GRID2: variants seen among roughly 807,000 people sequenced by gnomAD.
GRID2 encodes the protein glutamate receptor ionotropic, delta-2.
In GRID2, 33 loss-of-function variants were observed where a neutral mutation model predicts 114.8. That is an observed-to-expected ratio of 0.29 (90% CI 0.22 to 0.38). The LOEUF (loss-of-function observed/expected upper bound fraction) is 0.38. GRID2 is among the 10% of genes least tolerant of loss of function. GRID2 has a pLI of 1.00. For synonymous variants in GRID2, 505 were observed against 449.9 expected, an observed-to-expected ratio of 1.12 and a Z score of -1.55; for missense variants, 1,184 against 1,257.7, an observed-to-expected ratio of 0.94 and a Z score of 0.89.
intron 1 of GRID2, among the ~76,000 whole-genome samples, chr4:92,483,314 G>A (rs542839573): frequency 6.6e-6 from 1 of 152,058 alleles, no homozygotes; most frequent in South Asian, 2.1e-4. Flanking sequence ...CTCCAGCCTG[G>A]GTGACAGAGT....
chr4:92,467,437 G>A (rs1433785131), intron 1 of GRID2, among the ~76,000 whole-genome samples: 1 of 151,862 alleles, frequency 6.6e-6, no homozygotes, highest in African/African-American at 2.4e-5. Flanking sequence ...ATCTAAACTA[G>A]ACTGATGTAC....
At chr4:92,770,833 T>A (rs143536839) in intron 2 of GRID2, among the ~76,000 whole-genome samples, 368 of 152,254 alleles carry the variant, frequency 2.4e-3, no homozygotes, top group African/African-American at 8.4e-3. Context: ...AAGATAAGAT[T>A]TGAGTGGGGA....
rs149238420 is a variant in GRID2 at position 92,374,075 on chromosome 4, C to T, written c.88+69331C>T. 1.1e-3 allele frequency among the ~76,000 whole-genome samples: 168 copies of T among 152,230 alleles called. 1 individual carries two copies. In the East Asian group the frequency reaches 0.031, roughly 28 times the overall value. On this transcript the variant is annotated intron_variant, in intron 1 of 15. Transcript: ENST00000282020. ...CAACCGTCTAAATGGACCTCCTCCT[C>T]AGCAAGGGCTCTTTTACAATTTAAT...
At chr4:92,436,017 G>A (rs1732719456) in intron 1 of GRID2, among the ~76,000 whole-genome samples, 1 of 152,076 alleles carries the variant, frequency 6.6e-6, no homozygotes. Flanking sequence ...ATAATAGCAG[G>A]CATATGAGAC....
At chr4:92,972,803 T>A (rs1578643751) in intron 2 of GRID2, among the ~76,000 whole-genome samples, 3 of 152,054 alleles carry the variant, frequency 2.0e-5, no homozygotes, top group African/African-American at 7.2e-5. Flanking sequence ...TTTTCCTCTA[T>A]GTGTTTATGT....
intron 8 of GRID2, among the ~76,000 whole-genome samples, chr4:93,271,043 G>T (rs1751407494): frequency 1.3e-5 from 2 of 152,180 alleles, no homozygotes; most frequent in Admixed American, 1.3e-4. Context: ...TTAAAGGAAA[G>T]ATTGAGGCTA....
intron 8 of GRID2, among the ~76,000 whole-genome samples, chr4:93,251,328 A>G (rs1286894041): frequency 6.6e-6 from 1 of 152,180 alleles, no homozygotes; most frequent in Non-Finnish European, 1.5e-5. Context: ...TCTCTCTAAT[A>G]TAACCTCACA....
chr4:92,525,725 G>C (rs1326111230), intron 1 of GRID2, among the ~76,000 whole-genome samples: 1 of 152,034 alleles, frequency 6.6e-6, no homozygotes, highest in East Asian at 1.9e-4. Flanking sequence ...TTTTATTTAA[G>C]GCACAAAAAT....
At chr4:93,428,295 C>A (rs1769047178) in intron 10 of GRID2, among the ~76,000 whole-genome samples, 1 of 151,904 alleles carries the variant, frequency 6.6e-6, no homozygotes, top group African/African-American at 2.4e-5. Context: ...TAAAAAAATA[C>A]AGAAATTAAA....
rs17020296 is a variant in GRID2, at chr4:93,271,064, T to C, written c.1245+32574T>C. ...GAAAGATTGAGGCTACATTATATGA[T>C]TTGAACTCGCAGTGTTTATGTGGAA... is the stretch of plus-strand genomic sequence containing the variant. On this transcript the variant is annotated intron_variant, in intron 8 of 15. Transcript: ENST00000282020. Among the ~76,000 whole-genome samples the C allele has an allele frequency of 0.025, 3,865 of 152,290 alleles. 227 individuals carry two copies. In the East Asian group the frequency reaches 0.26, roughly 10 times the overall value.
chr4:93,568,848 A>G (rs1013800849), intron 13 of GRID2, among the ~76,000 whole-genome samples: 2 of 152,108 alleles, frequency 1.3e-5, no homozygotes, highest in Admixed American at 6.6e-5. Context: ...TTGGCATGTT[A>G]TGTATAATCG....
In GRID2 at chr4:93,201,478, C is replaced by A. The variant is rs1026193558; in HGVS notation, c.736-5926C>A. Among the ~76,000 whole-genome samples the A allele has an allele frequency of 2.0e-5, 3 of 152,196 alleles. No homozygotes were observed. The South Asian group carries it at 6.2e-4, about 31-fold the overall frequency. On this transcript the variant is annotated intron_variant, in intron 4 of 15. Coordinates refer to ENST00000282020, the MANE Select transcript of GRID2 (RefSeq NM_001510.4). ...CCTATGCATGCCCCTTGCTGATCTC[C>A]ACCTGATGATTTGGAAGGGCTAGAA... is the stretch of plus-strand genomic sequence containing the variant.
intron 2 of GRID2, among the ~76,000 whole-genome samples, chr4:92,639,207 A>G (rs576772283): frequency 4.6e-5 from 7 of 151,838 alleles, no homozygotes; most frequent in African/African-American, 1.7e-4. Context: ...GCCTAACCAA[A>G]ATAGCATATC....
In GRID2 at chr4:93,039,446, A is replaced by G; in HGVS notation, c.245-45549A>G. Among the ~76,000 whole-genome samples the G allele has an allele frequency of 1.3e-5, 2 of 152,098 alleles. 1 individual carries two copies. The highest frequency in any genetic ancestry group is 3.9e-4 in the East Asian group (2 of 5,186). ...ACAAACCTGCACATTCTGCACATGT[A>G]CCTTAGAACTTAAAGTATAATTATA... On this transcript the variant is annotated intron_variant, in intron 2 of 15. Transcript: ENST00000282020.
At chr4:93,119,279 A>T (rs996236048) in intron 4 of GRID2, among the ~76,000 whole-genome samples, 1 of 152,228 alleles carries the variant, frequency 6.6e-6, no homozygotes, top group African/African-American at 2.4e-5. Context: ...TGAAATGAAT[A>T]TAGTGAAACA....
chr4:93,407,167 A>G (rs1316166945), intron 9 of GRID2, among the ~76,000 whole-genome samples: 1 of 152,200 alleles, frequency 6.6e-6, no homozygotes, highest in East Asian at 1.9e-4. Flanking sequence ...TTTGACCAAT[A>G]GAGAAGCATT....
chr4:93,268,812 C>G (rs1751125397), intron 8 of GRID2, among the ~76,000 whole-genome samples: 1 of 152,068 alleles, frequency 6.6e-6, no homozygotes. Context: ...TAAAGCACAT[C>G]TATCTTCTCG....
rs558544932 is a variant in GRID2 at position 93,255,294 on chromosome 4, G to A, written c.1245+16804G>A. 3.3e-5 allele frequency among the ~76,000 whole-genome samples: 5 copies of A among 152,098 alleles called. No individual in the cohort carries two copies. In the South Asian group the frequency reaches 1.0e-3, roughly 32 times the overall value. On this transcript the variant is annotated intron_variant, in intron 8 of 15. Coordinates refer to ENST00000282020, the MANE Select transcript of GRID2 (RefSeq NM_001510.4). Reference sequence around the variant, plus strand: ...CATATATATAGTGCCTAAGTTTTGTGGGTTGAATGGCTTTCTTAAAAAAAC... The same window carrying A: ...CATATATATAGTGCCTAAGTTTTGTAGGTTGAATGGCTTTCTTAAAAAAAC...
chr4:92,561,283 A>C (rs1442003487), intron 1 of GRID2, among the ~76,000 whole-genome samples: 1 of 152,202 alleles, frequency 6.6e-6, no homozygotes, highest in Non-Finnish European at 1.5e-5. Flanking sequence ...TCTTTATTTC[A>C]TGTAATAACC....
Sources: gnomAD v4.1 joint callset for allele counts (sites outside exome capture counted in the v4.1 genomes callset) on GRCh38, gnomAD v4.1.1 for gene constraint, MANE v1.5 for transcripts, NCBI Gene and HGNC (gene_info 2026-07-23, HGNC 2026-07-21) for gene names.